The following DCLK1 variants were observed in gnomAD, a reference collection of about 807,000 sequenced individuals.
DCLK1 encodes the protein doublecortin like kinase 1, also known as serine/threonine-protein kinase DCLK1.
Under a neutral mutation model 86.2 loss-of-function variants are expected in DCLK1, and 16 were observed. The observed-to-expected ratio is 0.19, with a 90% CI of 0.13 to 0.28. The LOEUF is 0.28. DCLK1 is among the 10% of genes least tolerant of loss of function. DCLK1 has a pLI of 1.00. For synonymous variants in DCLK1, 369 were observed against 370.5 expected, an observed-to-expected ratio of 1.00 and a Z score of 0.05; for missense variants, 590 against 940.2, an observed-to-expected ratio of 0.63 and a Z score of 4.87.
At chr13:35,962,492 T>C (rs375712503) in intron 3 of DCLK1, among the ~76,000 whole-genome samples, 4 of 152,230 alleles carry the variant, frequency 2.6e-5, no homozygotes, top group African/African-American at 7.2e-5. Context: ...CCAACCCTGC[T>C]GATACCTTTA....
At chr13:36,022,212 AT>A (rs1881814453) in intron 3 of DCLK1, among the ~76,000 whole-genome samples, 1 of 152,150 alleles carries the variant, frequency 6.6e-6, no homozygotes, top group Admixed American at 6.5e-5. Context: ...AAATTACAAA[AT>A]AGTTCAAGAT....
rs531710653 is a variant in DCLK1, at chr13:36,022,595, G to T, written c.724-75138C>A. Among the ~76,000 whole-genome samples, 8 of 152,118 alleles carry T rather than the reference G, an allele frequency of 5.3e-5. No individual in the cohort carries two copies. The East Asian group carries it at 1.5e-3, about 29-fold the overall frequency. On this transcript the variant is annotated intron_variant, in intron 3 of 16. Transcript: ENST00000360631. The stretch of plus-strand genomic sequence containing the variant: ...GAGTAAAAGAGGGGTCATCACTTTT[G>T]ACCTTGCAGAAATATAAAGGATTAA...
intron 3 of DCLK1, among the ~76,000 whole-genome samples, chr13:36,095,396 G>A (rs1197617298): frequency 6.6e-6 from 1 of 151,758 alleles, no homozygotes. Flanking sequence ...TAGTAGAGAC[G>A]GGTTTCACTG....
chr13:36,015,294 C>A (rs888057667), intron 3 of DCLK1, among the ~76,000 whole-genome samples: 7 of 152,218 alleles, frequency 4.6e-5, no homozygotes, highest in African/African-American at 1.7e-4. Context: ...CATGTGGGAT[C>A]CTTCCTTATT....
rs559031359 is a variant in DCLK1, at chr13:35,870,774, C to T, written c.940+450G>A. Reference sequence around the variant, plus strand: ...GGTCACTGCAGCAATCCCTGCTCCACCCTCTCAATCTCACTACCTTTAGCT... The same window carrying T: ...GGTCACTGCAGCAATCCCTGCTCCATCCTCTCAATCTCACTACCTTTAGCT... On this transcript the variant is annotated intron_variant, in intron 5 of 16. Coordinates refer to ENST00000360631, the MANE Select transcript of DCLK1 (RefSeq NM_001330071.2). Among the ~76,000 whole-genome samples, 78 of 152,300 alleles carry T rather than the reference C, an allele frequency of 5.1e-4. 1 individual carries two copies. In the Middle Eastern group the frequency reaches 0.01, roughly 20 times the overall value.
intron 4 of DCLK1, among the ~76,000 whole-genome samples, chr13:35,892,296 T>G (rs1273565508): frequency 3.3e-5 from 5 of 152,208 alleles, no homozygotes; most frequent in Admixed American, 1.3e-4. Flanking sequence ...TAGGCATTAT[T>G]GCATTATTCC....
rs1366933905 is a variant in DCLK1, at chr13:35,840,458, C to T, written c.1036-1282G>A. 2.0e-5 allele frequency among the ~76,000 whole-genome samples: 3 copies of T among 152,272 alleles called. No individual in the cohort carries two copies. The East Asian group carries it at 5.8e-4, about 29-fold the overall frequency. ...AGCATGTCCCATTGGTCAGGTTCAT[C>T]AAAGCTCACAGTTGACACCATTGGG... On this transcript the variant is annotated intron_variant, in intron 6 of 16. Transcript: ENST00000360631.
chr13:35,805,856 CT>C, intron 14 of DCLK1, 77 bp from the exon 15 acceptor site: 1 of 1,326,410 alleles, frequency 7.5e-7, no homozygotes, highest in Non-Finnish European at 1.0e-6. Flanking sequence ...CAAGAGTTCT[CT>C]TTTAGTTTCG....
Position 35,771,177 on chromosome 13 carries a change from CT to C in DCLK1, c.*3357del, listed in dbSNP as rs2086326418. On this transcript the variant is annotated 3_prime_UTR_variant, in exon 17 of 17. Coordinates refer to ENST00000360631, the MANE Select transcript of DCLK1 (RefSeq NM_001330071.2). ...GACCCTCTAAGCCAAATTTTCTTTT[CT>C]TTTTGTTTTCAACTGAAATATGCCT... The C allele has an allele frequency of 1.3e-5, 2 of 152,132 alleles. No homozygotes were observed. 9.4% of individuals were successfully genotyped at this position (152,132 alleles called of 1,614,324 possible).
intron 3 of DCLK1, among the ~76,000 whole-genome samples, chr13:35,978,734 T>C (rs1879482807): frequency 6.6e-6 from 1 of 152,178 alleles, no homozygotes; most frequent in Non-Finnish European, 1.5e-5. Context: ...GAAACTCAAA[T>C]TTACACTTAC....
chr13:35,854,809 G>T (rs1190689007), intron 5 of DCLK1, among the ~76,000 whole-genome samples: 1 of 152,178 alleles, frequency 6.6e-6, no homozygotes, highest in Non-Finnish European at 1.5e-5. Flanking sequence ...GCAGGTTACA[G>T]AATTATTTTT....
chr13:35,911,659 C>T (rs1171079), intron 4 of DCLK1, among the ~76,000 whole-genome samples: 8,060 of 152,208 alleles, frequency 0.053, 685 homozygotes, highest in African/African-American at 0.18. Flanking sequence ...TTAAGCTGCC[C>T]TTTGTGTTTT....
intron 4 of DCLK1, among the ~76,000 whole-genome samples, chr13:35,896,495 G>A (rs1001019283): frequency 1.1e-4 from 14 of 122,518 alleles, no homozygotes; most frequent in Admixed American, 3.5e-4. Flanking sequence ...CAAAGATTGC[G>A]CCATTGCACC....
chr13:36,107,588 A>C (rs988111522), intron 3 of DCLK1, among the ~76,000 whole-genome samples: 14 of 152,180 alleles, frequency 9.2e-5, no homozygotes, highest in African/African-American at 3.4e-4. Flanking sequence ...TTCTACTTAA[A>C]GAGCAATCCA....
chr13:35,852,240 A>C lies in DCLK1; in HGVS notation c.1035+2259T>G, dbSNP rs558257985. ...TTGAGAAGACCATTAACCAAATTTG[A>C]AACAGGATCAGTTTTTAGGGATCTT... On this transcript the variant is annotated intron_variant, in intron 6 of 16. Transcript: ENST00000360631. Among the ~76,000 whole-genome samples, 7 of 152,308 alleles carry C rather than the reference A, an allele frequency of 4.6e-5. No homozygotes were observed. In the South Asian group the frequency reaches 1.5e-3, roughly 32 times the overall value.
chr13:35,812,568 G>A (rs543302631), intron 11 of DCLK1, among the ~76,000 whole-genome samples: 1 of 152,348 alleles, frequency 6.6e-6, no homozygotes, highest in South Asian at 2.1e-4. Context: ...AACACAAAAT[G>A]CAGATGTTTG....
In DCLK1 at chr13:35,839,125, T is replaced by C; in HGVS notation, c.1087A>G (p.Ser363Gly). ...GGGCCATCGTTCTCATCCATCGAGC[T>C]GCAGACTTTGGTGGACGCAAGTGAC... ...STSLASTKVCSSMDENDGPGE... is the reference protein window; with the variant it reads ...STSLASTKVCGSMDENDGPGE... Residue 363 changes from serine (S) to glycine (G), a missense_variant, in exon 7 of 17, where the codon AGC (serine) becomes GGC (glycine). Ser to Gly is a moderately conservative substitution (Grantham distance 56). This residue lies in a region of DCLK1 where 63 missense variants were observed against 64.3 expected (regional missense o/e 0.98). Coordinates refer to ENST00000360631, the MANE Select transcript of DCLK1 (RefSeq NM_001330071.2). 1.3e-6 allele frequency: 2 copies of C among 1,599,684 alleles called. No individual in the cohort carries two copies. Among genetic ancestry groups the C allele is most frequent in the South Asian group, 1.1e-5 (1 of 87,776 alleles).
intron 3 of DCLK1, among the ~76,000 whole-genome samples, chr13:36,083,668 C>T (rs1249594558): frequency 6.6e-6 from 1 of 152,144 alleles, no homozygotes; most frequent in East Asian, 1.9e-4. Context: ...CAAGGAATTC[C>T]TCCAGGAACA....
chr13:35,784,657 T>C (rs891213010), intron 16 of DCLK1, among the ~76,000 whole-genome samples: 1 of 152,210 alleles, frequency 6.6e-6, no homozygotes, highest in African/African-American at 2.4e-5. Flanking sequence ...TGTGTTAAAC[T>C]GAATCCCCCA....
Sources: allele counts gnomAD v4.1 joint callset (sites outside exome capture counted in the v4.1 genomes callset), GRCh38; gene constraint gnomAD v4.1.1; regional missense constraint gnomAD v4.1.1; transcripts MANE v1.5; gene names NCBI Gene and HGNC (gene_info 2026-07-23, HGNC 2026-07-21).